The following DDX24 variants were observed in gnomAD, a reference collection of about 807,000 sequenced individuals.
DDX24 encodes the protein DEAD-box helicase 24.
In DDX24, 24 loss-of-function variants were observed where a neutral mutation model predicts 68.9. The observed-to-expected ratio is 0.35, with a 90% CI of 0.25 to 0.49. The LOEUF (loss-of-function observed/expected upper bound fraction) is 0.49, where lower values mean the gene tolerates loss of function less well. Ranked by LOEUF, DDX24 falls within the 20% of genes least tolerant of loss-of-function variation. The probability of loss-of-function intolerance (pLI) is 0.99; values close to 1 mark genes in which losing one functional copy is unlikely to be tolerated. For synonymous variants in DDX24, 395 were observed against 385.2 expected, an observed-to-expected ratio of 1.03 and a Z score of -0.30; for missense variants, 989 against 1,039.0, an observed-to-expected ratio of 0.95 and a Z score of 0.66.
intron 1 of DDX24, 58 bp from the exon 2 acceptor site, chr14:94,079,805 G>T: frequency 6.7e-7 from 1 of 1,494,184 alleles, no homozygotes; most frequent in Non-Finnish European, 9.1e-7. Context: ...GGGTTCTGAT[G>T]TAACAAATAT....
At position 94,049,721 on chromosome 14, in the gene DDX24, C is replaced by T. The variant is rs774147405; in HGVS notation, c.*1470G>A. On this transcript the variant is annotated 3_prime_UTR_variant, in exon 9 of 9. Coordinates refer to ENST00000621632, the MANE Select transcript of DDX24 (RefSeq NM_020414.4). Reference sequence around the variant, plus strand: ...CCAGCCTACGCCAACATAGTGAGACCCCATCTCTACTAAAAAAAAAAAATT... The same window carrying T: ...CCAGCCTACGCCAACATAGTGAGACTCCATCTCTACTAAAAAAAAAAAATT... 7.6e-6 allele frequency: 1 copy of T among 131,902 alleles called. No individual in the cohort carries two copies. The highest frequency in any genetic ancestry group is 3.4e-5 in the African/African-American group (1 of 29,424). 8.2% of individuals were successfully genotyped at this position (131,902 alleles called of 1,614,324 possible).
Position 94,051,301 on chromosome 14 carries a change from T to C in DDX24, c.2470A>G (p.Ser824Gly), listed in dbSNP as rs1325843747. ...CAGCTCAAAGCAGACTCGCTCTTAC[T>C]TGGGGCAGACACAAGCAGGGGCGGC... ...GKPPLLVSAP[S>G]KSESALSCLS... Residue 824 changes from serine to glycine, a missense_variant, in exon 9 of 9, where the codon AGT becomes GGT. Ser to Gly is a moderately conservative substitution (Grantham distance 56, BLOSUM62 0). Coordinates refer to ENST00000621632, the MANE Select transcript of DDX24 (RefSeq NM_020414.4). 4 of 1,613,076 alleles carry C rather than the reference T, an allele frequency of 2.5e-6. No homozygotes were observed. Among genetic ancestry groups the C allele is most frequent in the Non-Finnish European group, 2.5e-6 (3 of 1,179,808 alleles).
At position 94,051,419 on chromosome 14, in the gene DDX24, C is replaced by A. The variant is rs777127239; in HGVS notation, c.2352G>T (p.Gln784His). ...DQQEERRRQK[Q>H]MKVLKKELRH... The stretch of plus-strand genomic sequence containing the variant: ...GCAGCTCCTTCTTCAGAACCTTCAT[C>A]TGCTTTTGTCTCCGACGTTCTTCTT... Residue 784 changes from glutamine to histidine, a missense_variant, in exon 9 of 9, where the codon CAG becomes CAT. Gln to His is a conservative substitution (Grantham distance 24). Transcript: ENST00000621632. The A allele has an allele frequency of 6.3e-7, 1 of 1,586,638 alleles. No homozygotes were observed. The highest frequency in any genetic ancestry group is 1.2e-5 in the South Asian group (1 of 86,308).
At chr14:94,075,196 C>T (rs1278564699) in intron 2 of DDX24, among the ~76,000 whole-genome samples, 1 of 152,104 alleles carries the variant, frequency 6.6e-6, no homozygotes, top group African/African-American at 2.4e-5. Context: ...CTACAACAGT[C>T]AAAATAACTT....
intron 6 of DDX24, chr14:94,056,562 C>T (rs1444213039): frequency 2.0e-5 from 3 of 152,228 alleles, no homozygotes; most frequent in Non-Finnish European, 4.4e-5. Context: ...ATCTCCCCAT[C>T]TATATTCTTT....
At chr14:94,063,739 C>T (rs376830797) in intron 2 of DDX24, among the ~76,000 whole-genome samples, 1 of 151,944 alleles carries the variant, frequency 6.6e-6, no homozygotes, top group African/African-American at 2.4e-5. Flanking sequence ...AGTGAGACTC[C>T]CATCTTTAAA....
At position 94,079,130 on chromosome 14, in the gene DDX24, G is replaced by T; in HGVS notation, c.613C>A (p.Arg205=). 6 of 1,614,174 alleles carry T rather than the reference G, an allele frequency of 3.7e-6. No individual in the cohort carries two copies. Among genetic ancestry groups the T allele is most frequent in the Non-Finnish European group, 5.1e-6 (6 of 1,180,038 alleles). ...GAGAAGCCTAGAAAGCTGAGTGCTCGGAGAACCGGCCTGGGAACAAACAGG... is the reference window on the plus strand; with the variant it reads ...GAGAAGCCTAGAAAGCTGAGTGCTCTGAGAACCGGCCTGGGAACAAACAGG... ...KDLFVPRPVL[R]ALSFLGFSAP... The change falls in exon 2 of 9, where the codon CGA becomes AGA. Residue 205 remains arginine, a synonymous_variant. Transcript: ENST00000621632.
chr14:94,066,001 A>G (rs568244014), intron 2 of DDX24, among the ~76,000 whole-genome samples: 1 of 152,336 alleles, frequency 6.6e-6, no homozygotes, highest in South Asian at 2.1e-4. Flanking sequence ...GAACAGGACC[A>G]GAAGCCTCCT....
At chr14:94,078,975 C>G (rs979088100) in intron 2 of DDX24, 50 bp downstream of exon 2, 1 of 1,539,342 alleles carries the variant, frequency 6.5e-7, no homozygotes, top group African/African-American at 1.4e-5. Context: ...CTATTAGCAG[C>G]TATGGGCTCA....
At chr14:94,061,387 T>C (rs1885593967) in intron 3 of DDX24, among the ~76,000 whole-genome samples, 1 of 152,170 alleles carries the variant, frequency 6.6e-6, no homozygotes, top group African/African-American at 2.4e-5. Context: ...GGCACCATAA[T>C]GCTGGGAGGA....
At chr14:94,053,457 C>T in intron 7 of DDX24, 2 of 219,180 alleles carry the variant, frequency 9.1e-6, no homozygotes, top group Non-Finnish European at 1.7e-5. Context: ...AATCTTTCCA[C>T]TTCAGCCTCC....
intron 2 of DDX24, among the ~76,000 whole-genome samples, chr14:94,075,415 T>C (rs1478617759): frequency 6.6e-6 from 1 of 152,210 alleles, no homozygotes; most frequent in African/African-American, 2.4e-5. Flanking sequence ...GAATAGTTTT[T>C]CTACAAATGG....
intron 2 of DDX24, among the ~76,000 whole-genome samples, chr14:94,064,915 C>T (rs989180885): frequency 1.4e-4 from 21 of 152,186 alleles, no homozygotes; most frequent in African/African-American, 4.8e-4. Context: ...TAAGGAATGA[C>T]ACTAGCTCCA....
intron 5 of DDX24, among the ~76,000 whole-genome samples, chr14:94,058,229 T>G (rs1885526468): frequency 1.3e-5 from 2 of 149,846 alleles, no homozygotes; most frequent in Admixed American, 6.6e-5. Flanking sequence ...ACCCTCTCAT[T>G]TACTTCCTCC....
rs1392214400 is a variant in DDX24, at chr14:94,053,036, G to A, written c.2270C>T (p.Ala757Val). 2 of 1,614,164 alleles carry A rather than the reference G, an allele frequency of 1.2e-6. No individual in the cohort carries two copies. Among genetic ancestry groups the A allele is most frequent in the Non-Finnish European group, 1.7e-6 (2 of 1,180,018 alleles). The stretch of plus-strand genomic sequence containing the variant: ...TTCTTCCAGCTCAATCTCCAGGGCA[G>A]CTGCTGCCTGCTCAATCCAAGAGTT... ...LHNSWIEQAAAALEIELEEDM... is the reference protein window; with the variant it reads ...LHNSWIEQAAVALEIELEEDM... Residue 757 changes from alanine to valine, a missense_variant, in exon 8 of 9, where the codon GCT becomes GTT. By Grantham distance (64) the Ala-to-Val change is moderately conservative (BLOSUM62 0). Transcript: ENST00000621632.
In DDX24 at chr14:94,050,885, T is replaced by TAAAAA; in HGVS notation, c.*301_*305dup. ...TACACCACCACCCCCATCTTCTATC[T>TAAAAA]AAAAAAAAAAAAAAAAAATCAGGAT... On this transcript the variant is annotated 3_prime_UTR_variant, in exon 9 of 9. Coordinates refer to ENST00000621632, the MANE Select transcript of DDX24 (RefSeq NM_020414.4). 1 of 226,010 alleles carries TAAAAA rather than the reference T, an allele frequency of 4.4e-6. No homozygotes were observed. 14.0% of individuals were successfully genotyped at this position (226,010 alleles called of 1,614,324 possible).
At chr14:94,058,008 G>C in intron 5 of DDX24, 111 bp from the exon 6 acceptor site, 1 of 971,676 alleles carries the variant, frequency 1.0e-6, no homozygotes, top group Non-Finnish European at 1.5e-6. Context: ...TACTCTGTAA[G>C]ATATCACTTG....
intron 2 of DDX24, among the ~76,000 whole-genome samples, chr14:94,070,788 G>A (rs527904240): frequency 7.2e-5 from 11 of 152,230 alleles, no homozygotes; most frequent in East Asian, 3.9e-4. Context: ...AAATGGTGCC[G>A]GGATAACTGG....
intron 7 of DDX24, among the ~76,000 whole-genome samples, chr14:94,054,427 C>T (rs1885452976): frequency 6.6e-6 from 1 of 152,184 alleles, no homozygotes; most frequent in African/African-American, 2.4e-5. Flanking sequence ...GGGATAGAAC[C>T]TCTTCTCCTC....
Sources: gnomAD v4.1 joint callset for allele counts (sites outside exome capture counted in the v4.1 genomes callset) on GRCh38, gnomAD v4.1.1 for gene constraint, MANE v1.5 for transcripts, NCBI Gene and HGNC (gene_info 2026-07-23, HGNC 2026-07-21) for gene names.